The following GALNTL6 variants were observed in gnomAD, a reference collection of about 807,000 sequenced individuals.
The protein encoded by GALNTL6 is polypeptide N-acetylgalactosaminyltransferase-like 6.
Under a neutral mutation model 73.7 loss-of-function variants are expected in GALNTL6, and 46 were observed. The observed-to-expected ratio is 0.62, with a 90% CI of 0.49 to 0.80. The LOEUF is 0.80. Ranked by LOEUF, GALNTL6 falls within the 30% of genes least tolerant of loss-of-function variation. The pLI is 0.00. For synonymous variants in GALNTL6, 259 were observed against 263.7 expected (o/e 0.98, Z 0.17); for missense variants, 604 against 755.0 (o/e 0.80, Z 2.34).
At chr4:172,761,673 C>CTCTCTCTCTT (rs1553985725) in intron 5 of GALNTL6, among the ~76,000 whole-genome samples, 2 of 150,780 alleles carry the variant, frequency 1.3e-5, no homozygotes, top group African/African-American at 2.4e-5. Context: ...CTCTCTTTCT[C>CTCTCTCTCTT]TCTCTCTCTC....
intron 9 of GALNTL6, among the ~76,000 whole-genome samples, chr4:172,931,643 T>C (rs1158405294): frequency 1.3e-5 from 2 of 151,854 alleles, no homozygotes; most frequent in Non-Finnish European, 2.9e-5. Context: ...CCACATGGAG[T>C]GTAGCAGGAT....
chr4:172,841,454 T>TA (rs1028558414), intron 7 of GALNTL6, among the ~76,000 whole-genome samples: 4 of 152,138 alleles, frequency 2.6e-5, no homozygotes, highest in African/African-American at 9.7e-5. Flanking sequence ...CCCCAAAGTG[T>TA]AATCTCGTAA....
intron 10 of GALNTL6, among the ~76,000 whole-genome samples, chr4:172,970,505 C>T (rs150810139): frequency 1.7e-4 from 26 of 152,256 alleles, no homozygotes; most frequent in African/African-American, 4.8e-4. Context: ...AAGAATTCAG[C>T]GATATCTCTC....
intron 5 of GALNTL6, among the ~76,000 whole-genome samples, chr4:172,437,743 A>G (rs992916558): frequency 7.9e-5 from 12 of 152,092 alleles, no homozygotes; most frequent in Non-Finnish European, 2.9e-5. Flanking sequence ...ACAGACCCTT[A>G]TCTAAATTTA....
intron 3 of GALNTL6, among the ~76,000 whole-genome samples, chr4:172,239,114 T>C (rs1312829773): frequency 6.6e-6 from 1 of 152,212 alleles, no homozygotes; most frequent in Admixed American, 6.5e-5. Flanking sequence ...GCTGGTCTTA[T>C]AGAATGAGTT....
At chr4:171,853,674 G>C (rs11132918) in intron 2 of GALNTL6, among the ~76,000 whole-genome samples, 85,638 of 137,374 alleles carry the variant, frequency 0.62, 27,453 homozygotes, top group South Asian at 0.8. Context: ...GCAGTGGTGC[G>C]ATCTTGGCTC....
intron 5 of GALNTL6, among the ~76,000 whole-genome samples, chr4:172,746,517 TATTAATTTGTA>T (rs1031416893): frequency 6.6e-6 from 1 of 152,092 alleles, no homozygotes; most frequent in Non-Finnish European, 1.5e-5. Flanking sequence ...TCTCCATTTT[TATTAATTTGTA>T]AAAATTTCTC....
rs576813105 is a variant in GALNTL6, at chr4:172,318,690, G to A, written c.386+6938G>A. On this transcript the variant is annotated intron_variant, in intron 4 of 12. Coordinates refer to ENST00000506823, the MANE Select transcript of GALNTL6 (RefSeq NM_001034845.3). The stretch of plus-strand genomic sequence containing the variant: ...GCACTCTGGCCTGGGCAATAAGAGC[G>A]AAACTCCATCCCCCCCACCCCCCAA... Among the ~76,000 whole-genome samples, 12 of 150,864 alleles carry A rather than the reference G, an allele frequency of 8.0e-5. No individual in the cohort carries two copies. The South Asian group carries it at 1.7e-3, about 21-fold the overall frequency.
At chr4:171,826,250 C>G (rs1182980459) in intron 2 of GALNTL6, among the ~76,000 whole-genome samples, 1 of 152,108 alleles carries the variant, frequency 6.6e-6, no homozygotes, top group East Asian at 1.9e-4. Context: ...ATAGGATTTT[C>G]ATTTGGGGAG....
chr4:172,030,189 G>A (rs939550967), intron 2 of GALNTL6, among the ~76,000 whole-genome samples: 1 of 151,988 alleles, frequency 6.6e-6, no homozygotes, highest in Admixed American at 6.6e-5. Context: ...CAAATTATTT[G>A]AGCCATGTTA....
intron 2 of GALNTL6, among the ~76,000 whole-genome samples, chr4:171,938,914 G>T (rs28677795): frequency 0.018 from 2,674 of 152,022 alleles, 79 homozygotes; most frequent in African/African-American, 0.062. Context: ...TTTAACCAAG[G>T]TTTCACATCT....
chr4:172,019,586 A>T (rs937419386), intron 2 of GALNTL6, among the ~76,000 whole-genome samples: 2 of 152,184 alleles, frequency 1.3e-5, no homozygotes. Context: ...TGCATTATAT[A>T]ATGAAAAAGT....
intron 4 of GALNTL6, among the ~76,000 whole-genome samples, chr4:172,326,354 C>T (rs1348009254): frequency 6.6e-6 from 1 of 151,934 alleles, no homozygotes; most frequent in East Asian, 1.9e-4. Context: ...ACAGTTCTAT[C>T]AACTTTCGCT....
intron 2 of GALNTL6, among the ~76,000 whole-genome samples, chr4:171,842,389 C>T (rs1735260174): frequency 6.6e-6 from 1 of 152,042 alleles, no homozygotes; most frequent in African/African-American, 2.4e-5. Context: ...AAAGTAGACA[C>T]AAAAAATAAA....
intron 2 of GALNTL6, among the ~76,000 whole-genome samples, chr4:172,157,974 C>G (rs1734336102): frequency 6.6e-6 from 1 of 152,150 alleles, no homozygotes; most frequent in South Asian, 2.1e-4. Flanking sequence ...GCGTCCCAAC[C>G]ACAGTGAACA....
At chr4:172,554,347 T>C (rs1433168409) in intron 5 of GALNTL6, among the ~76,000 whole-genome samples, 1 of 152,194 alleles carries the variant, frequency 6.6e-6, no homozygotes, top group East Asian at 1.9e-4. Flanking sequence ...GGACATTGGT[T>C]TCTAAAATAA....
intron 9 of GALNTL6, among the ~76,000 whole-genome samples, chr4:172,948,162 A>T (rs1749265256): frequency 6.6e-6 from 1 of 152,356 alleles, no homozygotes; most frequent in South Asian, 2.1e-4. Context: ...GAGAACAGGC[A>T]TCTATAATCC....
In GALNTL6 at chr4:172,069,437, C is replaced by CAT. The variant is rs57265179; in HGVS notation, c.139-160212_139-160211dup. On this transcript the variant is annotated intron_variant, in intron 2 of 12. Transcript: ENST00000506823. ...TATGTTATATATAACACACATATAA[C>CAT]ATATATATGTAATATATAACACACA... Among the ~76,000 whole-genome samples, 2 of 84,386 alleles carry CAT rather than the reference C, an allele frequency of 2.4e-5. 1 individual carries two copies. The highest frequency in any genetic ancestry group is 9.5e-5 in the African/African-American group (2 of 21,164). The allele number at this position is 84,386 out of a possible 152,430, so 55.4% of individuals were successfully genotyped here.
rs185117363 is a variant in GALNTL6 at position 172,955,886 on chromosome 4, A to C, written c.1371+3628A>C. Among the ~76,000 whole-genome samples the C allele has an allele frequency of 4.6e-4, 70 of 152,268 alleles. No individual in the cohort carries two copies. The East Asian group carries it at 0.011, about 24-fold the overall frequency. ...TGCTCAGTGGGGGATCTTCTGAGCC[A>C]GGATGAGCCAGGAAAATGAATTTCA... On this transcript the variant is annotated intron_variant, in intron 10 of 12. Transcript: ENST00000506823.
Sources: gnomAD v4.1 joint callset for allele counts (sites outside exome capture counted in the v4.1 genomes callset) on GRCh38, gnomAD v4.1.1 for gene constraint, MANE v1.5 for transcripts, NCBI Gene and HGNC (gene_info 2026-07-23, HGNC 2026-07-21) for gene names.